The following TMTC4 variants were observed in gnomAD, a reference collection of about 807,000 sequenced individuals.
The protein encoded by TMTC4 is protein O-mannosyl-transferase TMTC4.
TMTC4 carries 65 observed loss-of-function variants against 86.0 expected under a neutral mutation model. The observed-to-expected ratio is 0.76, with a 90% confidence interval of 0.62 to 0.93. The LOEUF (loss-of-function observed/expected upper bound fraction) is 0.93. Ranked by LOEUF, TMTC4 falls within the 40% of genes least tolerant of loss-of-function variation. TMTC4 has a pLI of 0.00. For synonymous variants in TMTC4, 379 were observed against 382.5 expected (o/e 0.99, Z 0.11); for missense variants, 866 against 948.1 (o/e 0.91, Z 1.14).
Position 100,664,215 on chromosome 13 carries a change from G to C in TMTC4, c.335+6C>G. The C allele has an allele frequency of 1.2e-6, 2 of 1,603,896 alleles. No homozygotes were observed. The highest frequency in any genetic ancestry group is 1.7e-6 in the Non-Finnish European group (2 of 1,175,214). On this transcript the variant is annotated splice_donor_region_variant and intron_variant, in intron 4 of 18. Coordinates refer to ENST00000342624, the MANE Select transcript of TMTC4 (RefSeq NM_032813.5). ...CCTTCCCAGGCCCTTCAATGTCACA[G>C]CTTACCTGAAAGTCAGGACGGTGAG...
chr13:100,645,673 C>T (rs905597337), intron 6 of TMTC4, among the ~76,000 whole-genome samples: 10 of 152,176 alleles, frequency 6.6e-5, no homozygotes, highest in Non-Finnish European at 1.3e-4. Context: ...TGACTGCCCC[C>T]GTAGATTAGG....
intron 15 of TMTC4, 23 bp downstream of exon 15, chr13:100,625,512 G>T (rs368584741): frequency 9.3e-6 from 15 of 1,612,280 alleles, no homozygotes; most frequent in Non-Finnish European, 1.2e-5. Flanking sequence ...TCCTTCCACA[G>T]GCACAGGGCA....
At chr13:100,618,946 C>T (rs548801052) in intron 15 of TMTC4, among the ~76,000 whole-genome samples, 2 of 152,226 alleles carry the variant, frequency 1.3e-5, no homozygotes, top group African/African-American at 4.8e-5. Context: ...ACCTTTCCCC[C>T]CTTTCTATTC....
intron 16 of TMTC4, among the ~76,000 whole-genome samples, chr13:100,613,124 T>G (rs1401823248): frequency 6.6e-6 from 1 of 152,188 alleles, no homozygotes; most frequent in East Asian, 1.9e-4. Flanking sequence ...CATCTTCTAG[T>G]TCTTGTGAAA....
intron 5 of TMTC4, among the ~76,000 whole-genome samples, chr13:100,661,689 T>A (rs370295064): frequency 3.7e-4 from 56 of 152,242 alleles, no homozygotes; most frequent in Admixed American, 1.4e-3. Context: ...AAACAAAGAT[T>A]TAAAAAGATA....
At chr13:100,663,203 G>C in intron 4 of TMTC4, 23 bp from the exon 5 acceptor site, 1 of 1,610,146 alleles carries the variant, frequency 6.2e-7, no homozygotes, top group Non-Finnish European at 8.5e-7. Flanking sequence ...AGGGTGTTCA[G>C]GGTACACGCG....
chr13:100,660,461 T>C (rs1487927148), intron 5 of TMTC4, among the ~76,000 whole-genome samples: 2 of 152,116 alleles, frequency 1.3e-5, no homozygotes, highest in Non-Finnish European at 2.9e-5. Context: ...GGCAGTTTAC[T>C]AACCAAATCC....
At chr13:100,619,987 T>C (rs370903972) in intron 15 of TMTC4, among the ~76,000 whole-genome samples, 3 of 152,238 alleles carry the variant, frequency 2.0e-5, no homozygotes, top group Non-Finnish European at 2.9e-5. Flanking sequence ...TATTGAAGAA[T>C]AGACTGAATC....
chr13:100,644,117 T>C (rs1231039812), intron 6 of TMTC4, among the ~76,000 whole-genome samples: 1 of 144,918 alleles, frequency 6.9e-6, no homozygotes, highest in East Asian at 2.0e-4. Flanking sequence ...TTTTTTTTTT[T>C]CTTTTTGAGA....
intron 6 of TMTC4, among the ~76,000 whole-genome samples, chr13:100,656,090 TG>T (rs1885075795): frequency 6.6e-6 from 1 of 152,242 alleles, no homozygotes; most frequent in Admixed American, 6.5e-5. Context: ...CCTATAATTT[TG>T]CAGGAAATAA....
rs1887639585 is a variant in TMTC4 at position 100,674,775 on chromosome 13, C to T, written c.-239G>A. 2.0e-6 allele frequency: 2 copies of T among 983,922 alleles called. No homozygotes were observed. The highest frequency in any genetic ancestry group is 6.2e-5 in the Admixed American group (1 of 16,138). The allele number at this position is 983,922 out of a possible 1,614,324, so 60.9% of individuals were successfully genotyped here. The stretch of plus-strand genomic sequence containing the variant: ...GGAGCCTGAGCCCCGGCCGCATCTC[C>T]CTCCCGGGTGCGGAAACTCTGGCGG... On this transcript the variant is annotated 5_prime_UTR_variant, in exon 1 of 19. Transcript: ENST00000342624.
At chr13:100,656,542 C>CTTTTTTTTTGTT in intron 5 of TMTC4, 74 bp from the exon 6 acceptor site, 1 of 384,140 alleles carries the variant, frequency 2.6e-6, no homozygotes, top group Non-Finnish European at 4.2e-6. Context: ...GGAGACATAA[C>CTTTTTTTTTGTT]TTTTTTTTTT....
chr13:100,630,339 G>C, intron 12 of TMTC4, among the ~76,000 whole-genome samples: 1 of 152,096 alleles, frequency 6.6e-6, no homozygotes, highest in Admixed American at 6.6e-5. Flanking sequence ...TACCCACTCT[G>C]ATGAAAGGAC....
intron 15 of TMTC4, chr13:100,625,199 T>A (rs1201147316): frequency 3.5e-6 from 1 of 289,052 alleles, no homozygotes; most frequent in African/African-American, 2.2e-5. Context: ...CAATTCTTGT[T>A]TTAAAAACAG....
At chr13:100,659,890 C>G (rs1885554801) in intron 5 of TMTC4, among the ~76,000 whole-genome samples, 2 of 147,266 alleles carry the variant, frequency 1.4e-5, no homozygotes, top group African/African-American at 5.1e-5. Flanking sequence ...CCAGAACCCT[C>G]TCAATCTCAG....
At chr13:100,615,944 C>A (rs1296345462) in intron 15 of TMTC4, among the ~76,000 whole-genome samples, 1 of 152,116 alleles carries the variant, frequency 6.6e-6, no homozygotes, top group African/African-American at 2.4e-5. Flanking sequence ...TCTATGATTG[C>A]CATCTTTATG....
At chr13:100,630,027 A>ATG (rs71121125) in intron 12 of TMTC4, among the ~76,000 whole-genome samples, 201 of 46,160 alleles carry the variant, frequency 4.4e-3, no homozygotes, top group African/African-American at 9.5e-3. Flanking sequence ...ATCTGTGTGT[A>ATG]TGTGTGTGTG....
intron 17 of TMTC4, among the ~76,000 whole-genome samples, chr13:100,611,499 G>T (rs2153022783): frequency 6.6e-6 from 1 of 152,274 alleles, no homozygotes; most frequent in South Asian, 2.1e-4. Flanking sequence ...GCAGGAGAAT[G>T]GCGTGAACCC....
At chr13:100,606,319 C>G (rs772098437) in intron 18 of TMTC4, 39 bp downstream of exon 18, 1 of 1,585,038 alleles carries the variant, frequency 6.3e-7, no homozygotes, top group Non-Finnish European at 8.7e-7. Flanking sequence ...ATTAAAGTAA[C>G]AAAATTTCAA....
Sources: gnomAD v4.1 joint callset for allele counts (sites outside exome capture counted in the v4.1 genomes callset) on GRCh38, gnomAD v4.1.1 for gene constraint, MANE v1.5 for transcripts, NCBI Gene and HGNC (gene_info 2026-07-23, HGNC 2026-07-21) for gene names.